Variants in CDR2L observed in about 807,000 individuals in gnomAD.
The protein encoded by CDR2L is cerebellar degeneration related protein 2 like, also known as cerebellar degeneration-related protein 2-like.
CDR2L carries 19 observed loss-of-function variants against 36.1 expected under a neutral mutation model. That is an observed-to-expected ratio of 0.53 (90% CI 0.37 to 0.77). The LOEUF is 0.77. CDR2L is among the 30% of genes least tolerant of loss of function. CDR2L has a pLI of 0.00. For missense variants in CDR2L, 575 were observed against 627.2 expected (o/e 0.92, Z 0.89); for synonymous variants, 285 against 280.4 (o/e 1.02, Z -0.16).
chr17:74,995,980 G>C (rs922838777), intron 1 of CDR2L, among the ~76,000 whole-genome samples: 1 of 151,680 alleles, frequency 6.6e-6, no homozygotes, highest in African/African-American at 2.4e-5. Context: ...TCTGGATTAA[G>C]CTGCCTAAAT....
chr17:75,003,402 G>C lies in CDR2L; in HGVS notation c.726G>C (p.Leu242=), dbSNP rs1427838464. The C allele has an allele frequency of 1.3e-6, 2 of 1,568,490 alleles. No individual in the cohort carries two copies. Among genetic ancestry groups the C allele is most frequent in the Non-Finnish European group, 1.7e-6 (2 of 1,157,830 alleles). ...RQLCEMEACR[L]RVQELEAELL... ...TGTGCGAGATGGAGGCCTGTCGCCT[G>C]CGTGTGCAGGAGCTGGAGGCCGAGC... The change falls in exon 5 of 5, where the codon CTG becomes CTC. Residue 242 remains leucine (L), a synonymous_variant. Coordinates refer to ENST00000337231, the MANE Select transcript of CDR2L (RefSeq NM_014603.3).
chr17:74,998,390 A>G (rs1363916307), intron 1 of CDR2L, among the ~76,000 whole-genome samples: 1 of 149,796 alleles, frequency 6.7e-6, no homozygotes, highest in Non-Finnish European at 1.5e-5. Context: ...TTTAATAGAG[A>G]TGAGGTCTCA....
At position 74,999,395 on chromosome 17, in the gene CDR2L, T is replaced by G. The variant is rs1598656020; in HGVS notation, c.80-109T>G. 5 of 690,796 alleles carry G rather than the reference T, an allele frequency of 7.2e-6. No individual in the cohort carries two copies. In the East Asian group the frequency reaches 1.4e-4, roughly 20 times the overall value. 42.8% of individuals were successfully genotyped at this position (690,796 alleles called of 1,614,324 possible). ...CCTGGCTTACCTCTCCTCCCAGGCC[T>G]GGAGGCTCCCAGTGTCTTGGTTACA... is the stretch of plus-strand genomic sequence containing the variant. On this transcript the variant is annotated intron_variant, in intron 1 of 4. Coordinates refer to ENST00000337231, the MANE Select transcript of CDR2L (RefSeq NM_014603.3).
At chr17:74,991,633 T>C (rs947945342) in intron 1 of CDR2L, among the ~76,000 whole-genome samples, 3 of 150,244 alleles carry the variant, frequency 2.0e-5, no homozygotes, top group Non-Finnish European at 4.4e-5. Context: ...AGGAGAATGG[T>C]GTGAACCCGG....
Position 75,003,126 on chromosome 17 carries a change from C to G in CDR2L, c.507-57C>G, listed in dbSNP as rs976996312. On this transcript the variant is annotated intron_variant, in intron 4 of 4. Coordinates refer to ENST00000337231, the MANE Select transcript of CDR2L (RefSeq NM_014603.3). ...TGGGCTGCTCGGCCTTGGCCGTGCCCGTGACCACTGCCCTCTCCTCCGCCC... is the reference window on the plus strand; with the variant it reads ...TGGGCTGCTCGGCCTTGGCCGTGCCGGTGACCACTGCCCTCTCCTCCGCCC... 6 of 1,529,910 alleles carry G rather than the reference C, an allele frequency of 3.9e-6. No individual in the cohort carries two copies. The African/African-American group carries it at 6.9e-5, about 18-fold the overall frequency. The allele number at this position is 1,529,910 out of a possible 1,614,324, so 94.8% of individuals were successfully genotyped here. A position where few individuals can be genotyped will look rare whatever the true frequency, so the allele number is the denominator to read the frequency against.
chr17:74,991,113 A>G (rs2039793993), intron 1 of CDR2L, among the ~76,000 whole-genome samples: 1 of 152,194 alleles, frequency 6.6e-6, no homozygotes, highest in Non-Finnish European at 1.5e-5. Context: ...ATAAAAATAG[A>G]AAAAGCCAGC....
At chr17:74,997,071 TC>T (rs1567974314) in intron 1 of CDR2L, among the ~76,000 whole-genome samples, 2,059 of 57,480 alleles carry the variant, frequency 0.036, 196 homozygotes, top group African/African-American at 0.11. Flanking sequence ...TTTCTTTCTT[TC>T]TTTCTTTCTT....
Position 74,989,446 on chromosome 17 carries a change from C to CACACACAT in CDR2L, c.79+1325_79+1326insCACACATA, listed in dbSNP as rs2039783469. Among the ~76,000 whole-genome samples the CACACACAT allele has an allele frequency of 6.6e-6, 1 of 151,446 alleles. No homozygotes were observed. Among genetic ancestry groups the CACACACAT allele is most frequent in the African/African-American group, 2.4e-5 (1 of 41,160 alleles). On this transcript the variant is annotated intron_variant, in intron 1 of 4. Transcript: ENST00000337231. This position sits in a 1 kb window ranked among gnomAD's most constrained non-coding sequence, Gnocchi z 4.2. ...ACACACACACACACACACACACACA[C>CACACACAT]ATCCACACATTGTGACAACCCCCTC...
intron 1 of CDR2L, among the ~76,000 whole-genome samples, chr17:74,996,496 G>A (rs551490644): frequency 1.4e-3 from 207 of 150,940 alleles, no homozygotes; most frequent in African/African-American, 4.9e-3. Context: ...ATATACATAT[G>A]TGTGTTGTTG....
Position 75,003,814 on chromosome 17 carries a change from G to A in CDR2L, c.1138G>A (p.Gly380Arg), listed in dbSNP as rs368260807. ...GAGCAAGTGCCGGCAGCACGGGGCCGGAGTGCGGCACGCCGGCGTGCAGAC... is the reference window on the plus strand; with the variant it reads ...GAGCAAGTGCCGGCAGCACGGGGCCAGAGTGCGGCACGCCGGCGTGCAGAC... ...LLSKCRQHGAGVRHAGVQTSR... is the reference protein window; with the variant it reads ...LLSKCRQHGARVRHAGVQTSR... Residue 380 changes from glycine to arginine, a missense_variant, in exon 5 of 5, where the codon GGA becomes AGA. Gly to Arg is a moderately radical substitution (Grantham distance 125). Coordinates refer to ENST00000337231, the MANE Select transcript of CDR2L (RefSeq NM_014603.3). 13 of 1,551,594 alleles carry A rather than the reference G, an allele frequency of 8.4e-6. No homozygotes were observed. The highest frequency in any genetic ancestry group is 4.1e-5 in the African/African-American group (3 of 73,214).
intron 1 of CDR2L, among the ~76,000 whole-genome samples, chr17:74,998,257 C>A (rs1030082377): frequency 3.9e-5 from 6 of 151,972 alleles, no homozygotes; most frequent in Admixed American, 3.3e-4. Context: ...TCCTGTAGTC[C>A]CAGCAACCGA....
At chr17:74,998,103 C>A (rs2039842166) in intron 1 of CDR2L, among the ~76,000 whole-genome samples, 1 of 152,028 alleles carries the variant, frequency 6.6e-6, no homozygotes, top group Non-Finnish European at 1.5e-5. Flanking sequence ...CGCCTGTAGT[C>A]TCAGCTACCT....
In CDR2L at chr17:74,989,947, A is replaced by G. The variant is rs2039787023; in HGVS notation, c.79+1825A>G. Among the ~76,000 whole-genome samples the G allele has an allele frequency of 6.6e-6, 1 of 152,182 alleles. No individual in the cohort carries two copies. Among genetic ancestry groups the G allele is most frequent in the African/African-American group, 2.4e-5 (1 of 41,448 alleles). On this transcript the variant is annotated intron_variant, in intron 1 of 4. Transcript: ENST00000337231. The surrounding 1 kb of genome is among the most constrained non-coding windows in gnomAD (Gnocchi z 4.2). ...AGCCACCACGCCCGGCTGGTGGCAC[A>G]GTATTATGGGCAGTGGGGAGGGCTT...
chr17:74,988,178 C>T, intron 1 of CDR2L, 56 bp downstream of exon 1: 11 of 1,296,288 alleles, frequency 8.5e-6, no homozygotes, highest in South Asian at 1.4e-5. Flanking sequence ...GACCCCTGTC[C>T]GCTTCTCCAT....
chr17:74,988,267 C>A, intron 1 of CDR2L, 145 bp downstream of exon 1: 1 of 516,876 alleles, frequency 1.9e-6, no homozygotes, highest in South Asian at 3.2e-5. Context: ...TCTGGAGAAC[C>A]GGGACGTGGA....
At chr17:74,988,867 G>A (rs1266219052) in intron 1 of CDR2L, among the ~76,000 whole-genome samples, 2 of 152,200 alleles carry the variant, frequency 1.3e-5, no homozygotes, top group Non-Finnish European at 2.9e-5. Flanking sequence ...GCGACTGGAA[G>A]GGGGTTAGAA....
At chr17:74,997,084 C>T (rs12942915) in intron 1 of CDR2L, among the ~76,000 whole-genome samples, 48,346 of 72,652 alleles carry the variant, frequency 0.67, 13,583 homozygotes, top group Admixed American at 0.71. Context: ...TTCTTTCTTT[C>T]TTTTTTTTTT....
At chr17:74,996,444 A>AC (rs1491164927) in intron 1 of CDR2L, among the ~76,000 whole-genome samples, 1 of 3,028 alleles carries the variant, frequency 3.3e-4, no homozygotes, top group East Asian at 0.038. Context: ...ACTCCGTCTC[A>AC]AAAAAAAAAA....
rs1567974288 is a variant in CDR2L, at chr17:74,997,063, TCTTTCTTTCTTTC to T, written c.80-2440_80-2428del. 3.1e-3 allele frequency among the ~76,000 whole-genome samples: 345 copies of T among 109,820 alleles called. 72 individuals carry two copies. The highest frequency in any genetic ancestry group is 5.1e-3 in the Middle Eastern group (1 of 196). 72.0% of individuals were successfully genotyped at this position (109,820 alleles called of 152,430 possible). ...TTCTTTCTTTCTTTCTTTCTTTCTT[TCTTTCTTTCTTTC>T]TTTCTTTCTTTTTTTTTTTTGAGAC... On this transcript the variant is annotated intron_variant, in intron 1 of 4. Transcript: ENST00000337231.
Sources: allele counts gnomAD v4.1 joint callset (sites outside exome capture counted in the v4.1 genomes callset), GRCh38; gene constraint gnomAD v4.1.1; non-coding constraint Gnocchi (gnomAD v3.1); transcripts MANE v1.5; gene names NCBI Gene and HGNC (gene_info 2026-07-23, HGNC 2026-07-21).